KCNIP1: variants seen among roughly 807,000 people sequenced by gnomAD.
The protein encoded by KCNIP1 is potassium voltage-gated channel interacting protein 1, also known as A-type potassium channel modulatory protein KCNIP1.
Under a neutral mutation model 33.0 loss-of-function variants are expected in KCNIP1, and 18 were observed. That is an observed-to-expected ratio of 0.55 (90% confidence interval 0.38 to 0.81). The LOEUF (loss-of-function observed/expected upper bound fraction) is 0.81. Among genes scored for constraint, KCNIP1 ranks in the 30% least tolerant of loss-of-function variants. The probability of loss-of-function intolerance (pLI) is 0.00; values close to 1 mark genes in which losing one functional copy is unlikely to be tolerated. For missense variants in KCNIP1, 238 were observed against 271.6 expected (o/e 0.88, Z 0.87); for synonymous variants, 93 against 98.3 (o/e 0.95, Z 0.32).
chr5:170,734,741 C>A (rs567487567), intron 7 of KCNIP1, among the ~76,000 whole-genome samples: 211 of 152,326 alleles, frequency 1.4e-3, no homozygotes, highest in African/African-American at 4.9e-3. Context: ...AGATACTGAG[C>A]CCCCATCAAG....
At chr5:170,451,830 C>T (rs1435963140) in intron 1 of KCNIP1, among the ~76,000 whole-genome samples, 3 of 149,808 alleles carry the variant, frequency 2.0e-5, no homozygotes, top group Non-Finnish European at 4.4e-5. Context: ...CATGTCTCAT[C>T]TGGAAAGAGA....
chr5:170,379,437 C>A (rs975125703), intron 1 of KCNIP1, among the ~76,000 whole-genome samples: 1 of 152,154 alleles, frequency 6.6e-6, no homozygotes, highest in African/African-American at 2.4e-5. Flanking sequence ...TGCTCAATTG[C>A]CTACAGGGCT....
At chr5:170,443,282 C>G (rs1330685909) in intron 1 of KCNIP1, among the ~76,000 whole-genome samples, 1 of 150,888 alleles carries the variant, frequency 6.6e-6, no homozygotes, top group Non-Finnish European at 1.5e-5. Context: ...GGCAACCCTA[C>G]TGAACAAAAG....
At chr5:170,426,515 T>C (rs1307402004) in intron 1 of KCNIP1, among the ~76,000 whole-genome samples, 1 of 152,214 alleles carries the variant, frequency 6.6e-6, no homozygotes, top group African/African-American at 2.4e-5. Context: ...AGTTACTGTC[T>C]ACATGACACT....
At chr5:170,535,673 C>G (rs879480611) in intron 1 of KCNIP1, among the ~76,000 whole-genome samples, 7 of 152,168 alleles carry the variant, frequency 4.6e-5, no homozygotes, top group Non-Finnish European at 1.0e-4. Flanking sequence ...CCCTTTGCTT[C>G]TCACACTTGT....
chr5:170,492,561 A>T (rs1179351229), intron 1 of KCNIP1, among the ~76,000 whole-genome samples: 4 of 152,092 alleles, frequency 2.6e-5, no homozygotes, highest in Admixed American at 6.5e-5. Flanking sequence ...GAAGTTGGGG[A>T]TGGGGCTGAA....
At chr5:170,471,591 G>A (rs1311400030) in intron 1 of KCNIP1, among the ~76,000 whole-genome samples, 1 of 152,148 alleles carries the variant, frequency 6.6e-6, no homozygotes, top group Non-Finnish European at 1.5e-5. Flanking sequence ...CTGAAGCTTG[G>A]CTCCACATGC....
chr5:170,616,117 G>T (rs1759357949), intron 1 of KCNIP1, among the ~76,000 whole-genome samples: 1 of 152,126 alleles, frequency 6.6e-6, no homozygotes, highest in Non-Finnish European at 1.5e-5. Flanking sequence ...TTTTCCAATG[G>T]CTGATGATGG....
At position 170,693,238 on chromosome 5, in the gene KCNIP1, G is replaced by A. The variant is rs189821071; in HGVS notation, c.62-25520G>A. Among the ~76,000 whole-genome samples, 299 of 113,494 alleles carry A rather than the reference G, an allele frequency of 2.6e-3. 1 individual carries two copies. The highest frequency in any genetic ancestry group is 9.2e-3 in the African/African-American group (260 of 28,246). The allele number at this position is 113,494 out of a possible 152,430, so 74.5% of individuals were successfully genotyped here. On this transcript the variant is annotated intron_variant, in intron 1 of 7. Transcript: ENST00000328939. ...GTCCTCTGCTGGCATCCCTGGGGACGGGCCAGCCCCCATCCCCCCGACACA... is the reference window on the plus strand; with the variant it reads ...GTCCTCTGCTGGCATCCCTGGGGACAGGCCAGCCCCCATCCCCCCGACACA...
chr5:170,564,601 T>C (rs550863808), intron 1 of KCNIP1, among the ~76,000 whole-genome samples: 23 of 152,312 alleles, frequency 1.5e-4, no homozygotes, highest in African/African-American at 4.8e-4. Context: ...ATCTATATTT[T>C]AAGAAAACAC....
chr5:170,383,645 A>G (rs1421183832), intron 1 of KCNIP1: 1 of 1,604,080 alleles, frequency 6.2e-7, no homozygotes, highest in Non-Finnish European at 8.5e-7. Context: ...TGACAGGGAT[A>G]AAGGGATGTG....
intron 1 of KCNIP1, among the ~76,000 whole-genome samples, chr5:170,603,826 C>T (rs1758792598): frequency 6.6e-6 from 1 of 152,184 alleles, no homozygotes; most frequent in African/African-American, 2.4e-5. Flanking sequence ...AGTCAGAAAG[C>T]ATCTGAAATT....
chr5:170,654,481 G>T lies in KCNIP1; in HGVS notation c.62-64277G>T, dbSNP rs561235335. Among the ~76,000 whole-genome samples the T allele has an allele frequency of 2.6e-5, 4 of 152,108 alleles. No individual in the cohort carries two copies. The East Asian group carries it at 5.8e-4, about 22-fold the overall frequency. On this transcript the variant is annotated intron_variant, in intron 1 of 7. Coordinates refer to ENST00000328939, the MANE Select transcript of KCNIP1 (RefSeq NM_014592.4). ...TATCCATTTTAAAACGGGGGGCATC[G>T]GCTGAATCTGGGTCATTACAGTAGG...
chr5:170,730,552 G>C (rs1462732741), intron 5 of KCNIP1, among the ~76,000 whole-genome samples: 1 of 152,054 alleles, frequency 6.6e-6, no homozygotes, highest in Non-Finnish European at 1.5e-5. Context: ...ATATCAGACA[G>C]GAAAAGCATC....
intron 1 of KCNIP1, among the ~76,000 whole-genome samples, chr5:170,702,302 A>G (rs1263502311): frequency 1.3e-5 from 2 of 152,212 alleles, no homozygotes; most frequent in Admixed American, 6.5e-5. Flanking sequence ...TAATTCTGCT[A>G]TGCTGGGAAT....
intron 1 of KCNIP1, among the ~76,000 whole-genome samples, chr5:170,429,199 T>A (rs1382440201): frequency 3.3e-5 from 5 of 152,058 alleles, no homozygotes; most frequent in African/African-American, 4.8e-5. Context: ...GCAACCCTGT[T>A]CTCCACATCA....
At chr5:170,425,621 C>T (rs1755595843) in intron 1 of KCNIP1, among the ~76,000 whole-genome samples, 3 of 152,222 alleles carry the variant, frequency 2.0e-5, no homozygotes, top group African/African-American at 7.2e-5. Context: ...TTCTGACACC[C>T]CATTTTGGCT....
chr5:170,390,793 C>G (rs1005859361), intron 1 of KCNIP1, among the ~76,000 whole-genome samples: 4 of 151,906 alleles, frequency 2.6e-5, no homozygotes, highest in African/African-American at 9.7e-5. Context: ...AAAATCACCT[C>G]GATCATACAG....
intron 1 of KCNIP1, among the ~76,000 whole-genome samples, chr5:170,392,482 TA>T (rs1754628916): frequency 6.6e-6 from 1 of 152,188 alleles, no homozygotes; most frequent in Non-Finnish European, 1.5e-5. Context: ...CAGTGAGAAT[TA>T]AAACACCTGA....
Sources: gnomAD v4.1 joint callset for allele counts (sites outside exome capture counted in the v4.1 genomes callset) on GRCh38, gnomAD v4.1.1 for gene constraint, MANE v1.5 for transcripts, NCBI Gene and HGNC (gene_info 2026-07-23, HGNC 2026-07-21) for gene names.